PTPRG: variants seen among roughly 807,000 people sequenced by gnomAD.
The protein encoded by PTPRG is receptor-type tyrosine-protein phosphatase gamma.
In PTPRG, 102 loss-of-function variants were observed where a neutral mutation model predicts 165.3. The observed-to-expected ratio is 0.62, with a 90% CI of 0.53 to 0.73. The LOEUF (loss-of-function observed/expected upper bound fraction) is 0.73, where lower values mean the gene tolerates loss of function less well. Ranked by LOEUF, PTPRG falls within the 30% of genes least tolerant of loss-of-function variation. PTPRG has a pLI of 0.00. For synonymous variants in PTPRG, 675 were observed against 669.5 expected (o/e 1.01, Z -0.13); for missense variants, 1,866 against 1,861.4 (o/e 1.00, Z -0.05).
At chr3:61,696,711 A>G (rs2030622327) in intron 1 of PTPRG, among the ~76,000 whole-genome samples, 2 of 152,326 alleles carry the variant, frequency 1.3e-5, no homozygotes, top group South Asian at 2.1e-4. Context: ...GGAAGCGACT[A>G]GAGCCCTAGC....
intron 2 of PTPRG, among the ~76,000 whole-genome samples, chr3:61,857,862 T>C (rs2037156492): frequency 6.6e-6 from 1 of 152,166 alleles, no homozygotes; most frequent in Non-Finnish European, 1.5e-5. Flanking sequence ...CTCAGCATTA[T>C]GGACATTGGG....
chr3:61,979,030 A>G (rs1331804523), intron 2 of PTPRG, among the ~76,000 whole-genome samples: 1 of 152,236 alleles, frequency 6.6e-6, no homozygotes, highest in Admixed American at 6.5e-5. Flanking sequence ...AGTTGTTGAA[A>G]GGATCGAAGA....
intron 1 of PTPRG, among the ~76,000 whole-genome samples, chr3:61,614,974 C>G (rs1343370029): frequency 6.6e-6 from 1 of 152,202 alleles, no homozygotes; most frequent in Non-Finnish European, 1.5e-5. Context: ...CCTACCGCTT[C>G]CAAACACACC....
intron 5 of PTPRG, among the ~76,000 whole-genome samples, chr3:62,081,257 A>AAAAC (rs200988219): frequency 0.046 from 4,565 of 98,582 alleles, 193 homozygotes; most frequent in African/African-American, 0.095. Flanking sequence ...ACTCCGTCTC[A>AAAAC]AAACAAACAA....
chr3:62,117,166 A>G (rs1010999878), intron 5 of PTPRG, among the ~76,000 whole-genome samples: 14 of 152,300 alleles, frequency 9.2e-5, no homozygotes, highest in African/African-American at 3.1e-4. Context: ...TTAGTCATTT[A>G]TAGAGGGTTA....
intron 28 of PTPRG, among the ~76,000 whole-genome samples, chr3:62,291,079 C>T (rs556415529): frequency 2.0e-5 from 3 of 152,034 alleles, no homozygotes; most frequent in East Asian, 3.9e-4. Flanking sequence ...GTTAATTAGG[C>T]GATTTCAGAA....
intron 1 of PTPRG, among the ~76,000 whole-genome samples, chr3:61,563,304 C>T (rs1204183395): frequency 6.6e-6 from 1 of 152,170 alleles, no homozygotes; most frequent in Non-Finnish European, 1.5e-5. Flanking sequence ...CAGGTTAAGA[C>T]AGGAACAATA....
At chr3:62,012,865 A>G (rs975403772) in intron 4 of PTPRG, among the ~76,000 whole-genome samples, 1 of 152,210 alleles carries the variant, frequency 6.6e-6, no homozygotes, top group African/African-American at 2.4e-5. Context: ...TACGAAGGGA[A>G]TAGAAATTAG....
chr3:62,073,997 T>C (rs1021887998), intron 4 of PTPRG, among the ~76,000 whole-genome samples: 7 of 152,208 alleles, frequency 4.6e-5, no homozygotes, highest in African/African-American at 1.7e-4. Flanking sequence ...TGCCAAAACT[T>C]GAAAATGGTC....
At chr3:62,122,548 C>T (rs1433089866) in intron 5 of PTPRG, among the ~76,000 whole-genome samples, 2 of 152,186 alleles carry the variant, frequency 1.3e-5, no homozygotes, top group African/African-American at 4.8e-5. Flanking sequence ...AACAGCAGCA[C>T]CCACGCCACT....
intron 1 of PTPRG, among the ~76,000 whole-genome samples, chr3:61,742,283 T>G (rs1247583403): frequency 6.6e-6 from 1 of 152,164 alleles, no homozygotes; most frequent in Non-Finnish European, 1.5e-5. Flanking sequence ...TCTTATAAAC[T>G]ATGTCCGGTG....
chr3:61,780,990 G>T (rs2034529296), intron 2 of PTPRG, among the ~76,000 whole-genome samples: 1 of 152,172 alleles, frequency 6.6e-6, no homozygotes, highest in Non-Finnish European at 1.5e-5. Context: ...GAGGAATTTT[G>T]GTAATTATGT....
At chr3:61,632,202 G>T (rs1701789559) in intron 1 of PTPRG, among the ~76,000 whole-genome samples, 2 of 151,962 alleles carry the variant, frequency 1.3e-5, no homozygotes, top group Admixed American at 1.3e-4. Context: ...TAGCTACTTT[G>T]CAGGCTGAGG....
chr3:62,164,089 G>A (rs754201470), intron 7 of PTPRG, among the ~76,000 whole-genome samples: 6 of 152,142 alleles, frequency 3.9e-5, no homozygotes, highest in African/African-American at 9.7e-5. Flanking sequence ...AACAGATTAC[G>A]GACCAAACAT....
At chr3:61,834,548 C>A (rs1010743486) in intron 2 of PTPRG, among the ~76,000 whole-genome samples, 21 of 152,266 alleles carry the variant, frequency 1.4e-4, no homozygotes, top group African/African-American at 3.6e-4. Flanking sequence ...GCCACGGTGG[C>A]TCATGCCTGT....
At chr3:61,914,745 G>A (rs895240396) in intron 2 of PTPRG, among the ~76,000 whole-genome samples, 3 of 152,078 alleles carry the variant, frequency 2.0e-5, no homozygotes, top group African/African-American at 7.2e-5. Flanking sequence ...CAATATGTAA[G>A]TAATTTTAAC....
At chr3:61,613,923 C>T (rs62244363) in intron 1 of PTPRG, among the ~76,000 whole-genome samples, 25,773 of 152,108 alleles carry the variant, frequency 0.17, 2,412 homozygotes, top group African/African-American at 0.21. Context: ...ATCCTCACAT[C>T]CTGTTGGTTT....
intron 4 of PTPRG, among the ~76,000 whole-genome samples, chr3:62,022,347 G>A (rs1010362650): frequency 6.6e-6 from 1 of 152,164 alleles, no homozygotes; most frequent in Non-Finnish European, 1.5e-5. Flanking sequence ...TGATCTTTTA[G>A]TTAAATCTAG....
At chr3:61,778,562 C>T (rs1050188271) in intron 2 of PTPRG, among the ~76,000 whole-genome samples, 7 of 152,074 alleles carry the variant, frequency 4.6e-5, no homozygotes, top group Admixed American at 1.3e-4. Flanking sequence ...TCTAGGAAGT[C>T]AGTGTGAATC....
Sources: allele counts gnomAD v4.1 joint callset (sites outside exome capture counted in the v4.1 genomes callset), GRCh38; gene constraint gnomAD v4.1.1; transcripts MANE v1.5; gene names NCBI Gene and HGNC (gene_info 2026-07-23, HGNC 2026-07-21).